Variants in MYO1H observed in about 807,000 individuals in gnomAD.
MYO1H encodes the protein myosin IH, also known as unconventional myosin-Ih.
Under a neutral mutation model 149.3 loss-of-function variants are expected in MYO1H, and 118 were observed. That is an observed-to-expected ratio of 0.79 (90% CI 0.68 to 0.92). MYO1H has a LOEUF of 0.92. MYO1H is among the 40% of genes least tolerant of loss of function. The pLI is 0.00. For missense variants in MYO1H, 1,212 were observed against 1,280.7 expected (o/e 0.95, Z 0.82); for synonymous variants, 447 against 465.2 (o/e 0.96, Z 0.50).
intron 14 of MYO1H, among the ~76,000 whole-genome samples, chr12:109,415,009 G>C (rs1253053245): frequency 2.6e-5 from 4 of 152,258 alleles, no homozygotes; most frequent in African/African-American, 9.6e-5. Context: ...ACCATGCCCG[G>C]CCAAAGGATC....
chr12:109,314,085 A>G, the MYO1H span, among the ~76,000 whole-genome samples: 7 of 152,014 alleles, frequency 4.6e-5, no homozygotes, highest in Admixed American at 1.3e-4. Context: ...GGGTTTTACC[A>G]TATTGCCTAG....
chr12:109,383,371 C>T (rs1869243911), intron 1 of MYO1H, among the ~76,000 whole-genome samples: 1 of 152,202 alleles, frequency 6.6e-6, no homozygotes, highest in South Asian at 2.1e-4. Context: ...ATTCAAACTG[C>T]TGTCCTCCCA....
chr12:109,321,996 AT>A, the MYO1H span, among the ~76,000 whole-genome samples: 1 of 152,166 alleles, frequency 6.6e-6, no homozygotes, highest in Non-Finnish European at 1.5e-5. Context: ...GGTGTTCATC[AT>A]GCTGTTGTCT....
exon 20 of MYO1H, chr12:109,432,930 C>T: frequency 6.2e-7 from 1 of 1,614,024 alleles, no homozygotes; most frequent in Admixed American, 1.7e-5. Flanking sequence ...CCTGGCCGCA[C>T]TGGCACGGGC....
chr12:109,397,752 G>A (rs749577814), exon 5 of MYO1H: 66 of 1,611,758 alleles, frequency 4.1e-5, no homozygotes, highest in Admixed American at 6.7e-5. Flanking sequence ...ATGCCAGAAC[G>A]CTCCGGAATG....
chr12:109,395,628 G>A (rs991929009), intron 3 of MYO1H, among the ~76,000 whole-genome samples: 17 of 151,820 alleles, frequency 1.1e-4, no homozygotes, highest in African/African-American at 2.9e-4. Flanking sequence ...CCAGCTACTC[G>A]GGAGACCGTG....
intron 10 of MYO1H, among the ~76,000 whole-genome samples, chr12:109,409,248 T>TCTTCTTC (rs1566031797): frequency 2.6e-4 from 7 of 27,136 alleles, no homozygotes; most frequent in Non-Finnish European, 2.3e-4. Context: ...TTCTTCTTCT[T>TCTTCTTC]TTTTTTTTTT....
intron 1 of MYO1H, among the ~76,000 whole-genome samples, chr12:109,359,088 G>T (rs1343362971): frequency 6.6e-6 from 1 of 152,072 alleles, no homozygotes; most frequent in Non-Finnish European, 1.5e-5. Flanking sequence ...CTTCCGCTAC[G>T]GGAGGGCAGG....
chr12:109,401,367 TA>T, intron 6 of MYO1H, 95 bp downstream of exon 6: 1 of 1,276,484 alleles, frequency 7.8e-7, no homozygotes, highest in Non-Finnish European at 1.1e-6. Flanking sequence ...GACATTCTAT[TA>T]CCATCCTGCT....
chr12:109,392,503 G>T (rs1477794309), intron 2 of MYO1H, among the ~76,000 whole-genome samples: 1 of 152,154 alleles, frequency 6.6e-6, no homozygotes, highest in Non-Finnish European at 1.5e-5. Flanking sequence ...CAGGCAGATC[G>T]CCTGAGGTCA....
intron 3 of MYO1H, among the ~76,000 whole-genome samples, chr12:109,393,696 C>T (rs1005147258): frequency 6.6e-6 from 1 of 152,140 alleles, no homozygotes; most frequent in Admixed American, 6.6e-5. Flanking sequence ...TCCATCGATA[C>T]ATCCATCCAT....
In MYO1H at chr12:109,352,367, T is replaced by C. The variant is rs185144480; in HGVS notation, c.12+4395T>C. 5.7e-3 allele frequency among the ~76,000 whole-genome samples: 862 copies of C among 152,232 alleles called. 9 individuals are homozygous for C. The highest frequency in any genetic ancestry group is 0.019 in the African/African-American group (808 of 41,536). ...GCATATTCAGCCCTCATCTCTCACC[T>C]CCCACTCTCCACCTCCTTCCCCCAG... On this transcript the variant is annotated intron_variant, in intron 1 of 31. Coordinates refer to ENST00000310903, the Ensembl canonical transcript of MYO1H.
chr12:109,351,823 A>G (rs1471375780), intron 1 of MYO1H, among the ~76,000 whole-genome samples: 1 of 152,192 alleles, frequency 6.6e-6, no homozygotes, highest in African/African-American at 2.4e-5. Flanking sequence ...GTTTTTGCAG[A>G]TGCCACAAAA....
In MYO1H at chr12:109,406,069, G is replaced by A. The variant is rs534670509; in HGVS notation, c.963+34G>A. The A allele has an allele frequency of 1.2e-5, 18 of 1,472,604 alleles. No individual in the cohort carries two copies. In the Admixed American group the frequency reaches 1.7e-4, roughly 14 times the overall value. The allele number at this position is 1,472,604 out of a possible 1,614,324, so 91.2% of individuals were successfully genotyped here. ...CCTCTTTTGGAGAGGACAGAAGGAG[G>A]GGGATGGGTGGGAGAGAAGAGCGAG... On this transcript the variant is annotated intron_variant, in intron 8 of 31. Coordinates refer to ENST00000310903, the Ensembl canonical transcript of MYO1H.
chr12:109,321,124 G>C, the MYO1H span, among the ~76,000 whole-genome samples: 1 of 152,004 alleles, frequency 6.6e-6, no homozygotes, highest in African/African-American at 2.4e-5. Context: ...GGCATAAGTG[G>C]GTAAATCTGC....
chr12:109,310,581 C>T, the MYO1H span, among the ~76,000 whole-genome samples: 3 of 150,414 alleles, frequency 2.0e-5, no homozygotes, highest in East Asian at 1.9e-4. Flanking sequence ...TCGCAGCAGG[C>T]AGGGGACCAG....
At chr12:109,402,074 A>T (rs1870191803) in intron 6 of MYO1H, among the ~76,000 whole-genome samples, 1 of 152,114 alleles carries the variant, frequency 6.6e-6, no homozygotes, top group Non-Finnish European at 1.5e-5. Flanking sequence ...CCTGCCTTCC[A>T]CCTTGACAAA....
chr12:109,392,332 C>T (rs578147826), intron 2 of MYO1H, among the ~76,000 whole-genome samples: 1 of 152,332 alleles, frequency 6.6e-6, no homozygotes, highest in Non-Finnish European at 1.5e-5. Context: ...CCCTAGCCTG[C>T]CTCATGTATC....
intron 8 of MYO1H, among the ~76,000 whole-genome samples, chr12:109,406,467 TAAAAAAAAAAAAAAA>T (rs56744077): frequency 4.4e-4 from 19 of 43,644 alleles, no homozygotes; most frequent in Admixed American, 2.9e-3. Flanking sequence ...CCCTATCTCT[TAAAAAAAAAAAAAAA>T]AAAAAAAAAA....
Sources: allele counts gnomAD v4.1 joint callset (sites outside exome capture counted in the v4.1 genomes callset), GRCh38; gene constraint gnomAD v4.1.1; transcripts MANE v1.5; gene names NCBI Gene and HGNC (gene_info 2026-07-23, HGNC 2026-07-21).